Variants in ARHGAP32 observed in about 807,000 individuals in gnomAD.
ARHGAP32 encodes rho GTPase-activating protein 32.
Under a neutral mutation model 186.5 loss-of-function variants are expected in ARHGAP32, and 51 were observed. The observed-to-expected ratio is 0.27, with a 90% CI of 0.22 to 0.35. The LOEUF (loss-of-function observed/expected upper bound fraction) is 0.35, where lower values mean the gene tolerates loss of function less well. Among genes scored for constraint, ARHGAP32 ranks in the 10% least tolerant of loss-of-function variants. ARHGAP32 has a pLI of 1.00. For synonymous variants in ARHGAP32, 950 were observed against 964.3 expected (o/e 0.99, Z 0.27); for missense variants, 2,186 against 2,623.5 (o/e 0.83, Z 3.64).
chr11:129,101,068 G>A (rs1941883136), intron 5 of ARHGAP32, among the ~76,000 whole-genome samples: 2 of 152,156 alleles, frequency 1.3e-5, no homozygotes, highest in African/African-American at 4.8e-5. Flanking sequence ...AGGAGACAGA[G>A]AACAAAGTCT....
At chr11:129,070,039 C>T (rs767392121) in intron 6 of ARHGAP32, among the ~76,000 whole-genome samples, 2 of 151,842 alleles carry the variant, frequency 1.3e-5, no homozygotes, top group Non-Finnish European at 2.9e-5. Flanking sequence ...TCTAGAGCTA[C>T]ATAAGTGTGA....
chr11:129,227,170 TTAAG>T (rs1310045547), intron 1 of ARHGAP32, among the ~76,000 whole-genome samples: 1 of 151,968 alleles, frequency 6.6e-6, no homozygotes, highest in East Asian at 1.9e-4. Flanking sequence ...ACTATTGAAA[TTAAG>T]TGAGTATTAA....
At chr11:129,230,314 C>A (rs1201244646) in intron 1 of ARHGAP32, among the ~76,000 whole-genome samples, 1 of 152,000 alleles carries the variant, frequency 6.6e-6, no homozygotes, top group Non-Finnish European at 1.5e-5. Flanking sequence ...TTCCCAAATC[C>A]ACCATCCATG....
chr11:129,021,890 C>T (rs570787553), intron 11 of ARHGAP32, among the ~76,000 whole-genome samples: 1 of 151,890 alleles, frequency 6.6e-6, no homozygotes, highest in South Asian at 2.1e-4. Context: ...TTGCATTTTA[C>T]CAGAAGCAGG....
chr11:129,206,917 C>T (rs374405481), intron 1 of ARHGAP32, among the ~76,000 whole-genome samples: 104 of 152,168 alleles, frequency 6.8e-4, no homozygotes, highest in African/African-American at 2.2e-3. Context: ...CCCTCACCCC[C>T]CAACAGGCCC....
intron 1 of ARHGAP32, among the ~76,000 whole-genome samples, chr11:129,250,847 TTAAC>T (rs954117888): frequency 3.9e-5 from 6 of 152,124 alleles, no homozygotes; most frequent in African/African-American, 1.4e-4. Context: ...AGGAAGAAAA[TTAAC>T]TAGCTTACAT....
chr11:129,075,309 A>G (rs1324320609), intron 6 of ARHGAP32, among the ~76,000 whole-genome samples: 1 of 152,182 alleles, frequency 6.6e-6, no homozygotes, highest in East Asian at 1.9e-4. Flanking sequence ...ATGCCATACT[A>G]ATTTTTTAAT....
At chr11:129,032,831 A>G (rs1939171606) in intron 11 of ARHGAP32, among the ~76,000 whole-genome samples, 1 of 152,178 alleles carries the variant, frequency 6.6e-6, no homozygotes, top group Non-Finnish European at 1.5e-5. Context: ...AGCACACAAA[A>G]AGATGCTCAA....
In ARHGAP32 at chr11:128,994,713, AT is replaced by A. The variant is rs962899588; in HGVS notation, c.1195+3605del. On this transcript the variant is annotated intron_variant, in intron 12 of 22. Coordinates refer to ENST00000682385, the MANE Select transcript of ARHGAP32 (RefSeq NM_001378024.1). ...TAAATCACTCAGCTATTAAAAAACC[AT>A]TTTATTTCCTAATTTTTAGTTAATA... Among the ~76,000 whole-genome samples the A allele has an allele frequency of 1.8e-4, 28 of 152,162 alleles. 1 individual carries two copies. The highest frequency in any genetic ancestry group is 1.5e-5 in the Non-Finnish European group (1 of 68,020).
At chr11:129,066,191 A>T (rs1461312105) in intron 7 of ARHGAP32, among the ~76,000 whole-genome samples, 1 of 151,930 alleles carries the variant, frequency 6.6e-6, no homozygotes, top group Non-Finnish European at 1.5e-5. Context: ...TTGCACTTAC[A>T]TGTTTAGGCT....
At chr11:128,977,677 A>G (rs1945585601) in intron 19 of ARHGAP32, among the ~76,000 whole-genome samples, 1 of 151,638 alleles carries the variant, frequency 6.6e-6, no homozygotes, top group African/African-American at 2.4e-5. Flanking sequence ...TCATGTAACT[A>G]TTTCTTTTAT....
chr11:129,164,487 A>C, intron 1 of ARHGAP32, 60 bp from the exon 2 acceptor site: 1 of 980,846 alleles, frequency 1.0e-6, no homozygotes, highest in Non-Finnish European at 1.5e-6. Context: ...AAGCCTTCCA[A>C]TGATCACAAT....
intron 1 of ARHGAP32, among the ~76,000 whole-genome samples, chr11:129,227,474 T>TA (rs33996728): frequency 0.14 from 20,603 of 147,726 alleles, 1,617 homozygotes; most frequent in African/African-American, 0.21. Context: ...ATTGACAGTT[T>TA]AAAAAAAAAA....
chr11:129,113,660 T>C (rs1340389771), intron 5 of ARHGAP32, among the ~76,000 whole-genome samples: 1 of 152,144 alleles, frequency 6.6e-6, no homozygotes, highest in African/African-American at 2.4e-5. Flanking sequence ...TTTTTTAAAA[T>C]TCACATATGA....
At chr11:129,024,821 G>C (rs925313659) in intron 11 of ARHGAP32, among the ~76,000 whole-genome samples, 7 of 151,992 alleles carry the variant, frequency 4.6e-5, no homozygotes, top group Admixed American at 2.6e-4. Context: ...AAAATCTTTG[G>C]CAACTATTAT....
At chr11:128,981,989 G>C in intron 15 of ARHGAP32, 53 bp from the exon 16 acceptor site, 1 of 1,127,422 alleles carries the variant, frequency 8.9e-7, no homozygotes, top group Non-Finnish European at 1.3e-6. Context: ...CAGCAGTATA[G>C]AACATAAAAG....
chr11:129,258,670 T>C (rs1945284909), intron 1 of ARHGAP32, among the ~76,000 whole-genome samples: 1 of 152,190 alleles, frequency 6.6e-6, no homozygotes. Context: ...AAAGAACTTC[T>C]GCCAGTAAAT....
At chr11:129,045,243 G>A (rs528157323) in intron 10 of ARHGAP32, among the ~76,000 whole-genome samples, 4 of 152,294 alleles carry the variant, frequency 2.6e-5, no homozygotes, top group South Asian at 2.1e-4. Flanking sequence ...CCTCTGTGCC[G>A]TGAGCACAGG....
intron 5 of ARHGAP32, among the ~76,000 whole-genome samples, chr11:129,109,624 G>A (rs898214784): frequency 6.6e-6 from 1 of 152,078 alleles, no homozygotes; most frequent in African/African-American, 2.4e-5. Context: ...TCTAACAGGA[G>A]TAAGATAATA....
Sources: allele counts gnomAD v4.1 joint callset (sites outside exome capture counted in the v4.1 genomes callset), GRCh38; gene constraint gnomAD v4.1.1; transcripts MANE v1.5; gene names NCBI Gene and HGNC (gene_info 2026-07-23, HGNC 2026-07-21).